C9: variants seen among roughly 807,000 people sequenced by gnomAD.
The protein encoded by C9 is complement C9, also known as complement component C9.
Under a neutral mutation model 65.4 loss-of-function variants are expected in C9, and 63 were observed. The observed-to-expected ratio is 0.96, with a 90% CI of 0.79 to 1.19. C9 has a LOEUF of 1.19. Ranked by LOEUF, C9 falls within the 50% of genes most tolerant of loss-of-function variation. C9 has a pLI of 0.00. For missense variants in C9, 744 were observed against 670.1 expected (o/e 1.11, Z -1.22); for synonymous variants, 229 against 227.9 (o/e 1.00, Z -0.04).
chr5:39,348,225 G>A (rs1255727164), intron 1 of C9, among the ~76,000 whole-genome samples: 4 of 152,160 alleles, frequency 2.6e-5, no homozygotes, highest in Non-Finnish European at 5.9e-5. Flanking sequence ...CCATCAGAGC[G>A]AACAGGCAAC....
chr5:39,318,060 C>T (rs1350652146), intron 5 of C9, among the ~76,000 whole-genome samples: 2 of 151,862 alleles, frequency 1.3e-5, no homozygotes, highest in Non-Finnish European at 2.9e-5. Flanking sequence ...AGGTCCTTCA[C>T]TTGCTTTGTT....
chr5:39,357,578 G>T (rs1754432025), intron 1 of C9, among the ~76,000 whole-genome samples: 1 of 152,174 alleles, frequency 6.6e-6, no homozygotes, highest in African/African-American at 2.4e-5. Flanking sequence ...AAGTATGCTA[G>T]AAAATACAAC....
intron 9 of C9, among the ~76,000 whole-genome samples, chr5:39,295,321 C>T (rs2111850578): frequency 6.6e-6 from 1 of 151,708 alleles, no homozygotes; most frequent in African/African-American, 2.4e-5. Context: ...AAGACTTTAC[C>T]AAAATACACT....
At chr5:39,341,942 AG>A in intron 2 of C9, 148 bp downstream of exon 2, 1 of 701,746 alleles carries the variant, frequency 1.4e-6, no homozygotes, top group Non-Finnish European at 2.6e-6. Flanking sequence ...TTCCTGGAAA[AG>A]TTAGCAACAT....
chr5:39,334,374 G>A (rs578237328), intron 4 of C9, among the ~76,000 whole-genome samples: 6,215 of 148,724 alleles, frequency 0.042, 226 homozygotes, highest in Non-Finnish European at 0.062. Flanking sequence ...CCCTCTGCCT[G>A]GCAACCGCCC....
intron 1 of C9, among the ~76,000 whole-genome samples, chr5:39,359,878 C>T (rs962849700): frequency 3.9e-5 from 6 of 152,204 alleles, no homozygotes; most frequent in Admixed American, 6.5e-5. Context: ...CCTGACACAA[C>T]GTCTGGCTCA....
chr5:39,330,199 TG>T (rs1395693468), intron 5 of C9, among the ~76,000 whole-genome samples: 2 of 152,266 alleles, frequency 1.3e-5, no homozygotes, highest in Non-Finnish European at 2.9e-5. Flanking sequence ...AGATTAGTTT[TG>T]CTACAGAAAT....
At chr5:39,312,496 C>T (rs1753503363) in intron 6 of C9, among the ~76,000 whole-genome samples, 1 of 152,112 alleles carries the variant, frequency 6.6e-6, no homozygotes. Context: ...CCCTTTCAGT[C>T]CACCCTCTCA....
chr5:39,352,274 G>A lies in C9; in HGVS notation c.78-10078C>T, dbSNP rs544556811. The stretch of plus-strand genomic sequence containing the variant: ...ACACATGGGAATTACAATTTGACAT[G>A]AGATTTGGGTAGGGACACAGAGCCA... On this transcript the variant is annotated intron_variant, in intron 1 of 10. Coordinates refer to ENST00000263408, the MANE Select transcript of C9 (RefSeq NM_001737.5). Among the ~76,000 whole-genome samples, 6 of 152,290 alleles carry A rather than the reference G, an allele frequency of 3.9e-5. No individual in the cohort carries two copies. In the East Asian group the frequency reaches 9.6e-4, roughly 24 times the overall value.
At chr5:39,286,374 A>G (rs1341816355) in intron 10 of C9, among the ~76,000 whole-genome samples, 1 of 152,068 alleles carries the variant, frequency 6.6e-6, no homozygotes, top group African/African-American at 2.4e-5. Context: ...ATTGCACTGC[A>G]GAAACAATAT....
intron 9 of C9, among the ~76,000 whole-genome samples, chr5:39,306,235 C>A (rs889899404): frequency 6.6e-6 from 1 of 151,126 alleles, no homozygotes; most frequent in South Asian, 2.1e-4. Flanking sequence ...TGGAACACCA[C>A]GGGAAGGCAA....
At chr5:39,333,945 G>A (rs1186586280) in intron 4 of C9, among the ~76,000 whole-genome samples, 4 of 152,172 alleles carry the variant, frequency 2.6e-5, no homozygotes, top group South Asian at 4.1e-4. Flanking sequence ...GTGCAGTGGC[G>A]TGATCTCGGC....
chr5:39,347,770 T>C (rs2111967865), intron 1 of C9, among the ~76,000 whole-genome samples: 1 of 152,240 alleles, frequency 6.6e-6, no homozygotes, highest in South Asian at 2.1e-4. Flanking sequence ...CTTCAAACTG[T>C]ACTACAAGGC....
intron 5 of C9, among the ~76,000 whole-genome samples, chr5:39,318,686 C>T (rs1425050732): frequency 6.6e-6 from 1 of 151,892 alleles, no homozygotes; most frequent in Non-Finnish European, 1.5e-5. Context: ...GAAGGGGACA[C>T]CTGTATCTTC....
intron 8 of C9, 55 bp from the exon 9 acceptor site, chr5:39,306,847 G>C (rs568860549): frequency 1.6e-6 from 2 of 1,216,788 alleles, no homozygotes; most frequent in African/African-American, 3.0e-5. Context: ...AGAGAAGCCA[G>C]TTATCAAAAG....
intron 10 of C9, among the ~76,000 whole-genome samples, chr5:39,288,456 C>T (rs1753031487): frequency 6.6e-6 from 1 of 151,346 alleles, no homozygotes; most frequent in Admixed American, 6.6e-5. Context: ...TTTCTGTAAA[C>T]CTTCTATAAG....
rs776089074 is a variant in C9 at position 39,308,336 on chromosome 5, C to T, written c.1134G>A (p.Lys378=). 2 of 1,596,392 alleles carry T rather than the reference C, an allele frequency of 1.3e-6. No homozygotes were observed. The highest frequency in any genetic ancestry group is 3.3e-5 in the Admixed American group (2 of 59,952). ...KRKGVELKDI[K]RCLGYHLDVS... is the part of the protein sequence containing the mutation. ...CATCCAGATGATACCCAAGGCATCT[C>T]TTTATGTCTTTTAGTTCAACACCTG... Residue 378 remains lysine (K), a synonymous_variant, in exon 8 of 11, where the codon AAG becomes AAA. Coordinates refer to ENST00000263408, the MANE Select transcript of C9 (RefSeq NM_001737.5).
intron 1 of C9, among the ~76,000 whole-genome samples, chr5:39,346,975 T>C (rs184708034): frequency 1.3e-5 from 2 of 152,316 alleles, no homozygotes; most frequent in Admixed American, 1.3e-4. Context: ...TCAACAGCCC[T>C]TCATGCTAAA....
chr5:39,343,005 C>T (rs1191496261), intron 1 of C9, among the ~76,000 whole-genome samples: 1 of 152,192 alleles, frequency 6.6e-6, no homozygotes, highest in Non-Finnish European at 1.5e-5. Context: ...CCTCTACTTG[C>T]CTGACCTGAC....
Sources: gnomAD v4.1 joint callset for allele counts (sites outside exome capture counted in the v4.1 genomes callset) on GRCh38, gnomAD v4.1.1 for gene constraint, MANE v1.5 for transcripts, NCBI Gene and HGNC (gene_info 2026-07-23, HGNC 2026-07-21) for gene names.